Variants in TP63 observed in about 807,000 individuals in gnomAD.
TP63 encodes tumor protein 63.
A neutral mutation model predicts 82.8 loss-of-function variants in TP63; 17 were observed. That is an observed-to-expected ratio of 0.21 (90% CI 0.14 to 0.31). The LOEUF is 0.31. TP63 is among the 10% of genes least tolerant of loss of function. TP63 has a pLI of 1.00. For missense variants in TP63, 648 were observed against 895.3 expected, an observed-to-expected ratio of 0.72 and a Z score of 3.52; for synonymous variants, 330 against 321.7, an observed-to-expected ratio of 1.03 and a Z score of -0.28.
At chr3:189,682,545 AAAAAAAAAATATATATATATATATAT>A (rs1383016826) in intron 1 of TP63, among the ~76,000 whole-genome samples, 1,501 of 71,240 alleles carry the variant, frequency 0.021, 54 homozygotes, top group African/African-American at 0.087. Context: ...GGAAAAAAAA[AAAAAAAAAATATATATATATATATAT>A]ATATATATAT....
chr3:189,708,322 A>G (rs1718349466), intron 1 of TP63, among the ~76,000 whole-genome samples: 1 of 152,210 alleles, frequency 6.6e-6, no homozygotes, highest in Non-Finnish European at 1.5e-5. Context: ...TGTTTCGTGA[A>G]CAACAGTTTC....
chr3:189,864,171 T>A, intron 4 of TP63, 61 bp from the exon 5 acceptor site: 1 of 1,602,648 alleles, frequency 6.2e-7, no homozygotes, highest in East Asian at 2.2e-5. Flanking sequence ...TGATTTGGAA[T>A]GTAACAATAT....
intron 4 of TP63, among the ~76,000 whole-genome samples, chr3:189,832,867 T>C (rs1258235988): frequency 6.6e-6 from 1 of 152,202 alleles, no homozygotes; most frequent in Non-Finnish European, 1.5e-5. Flanking sequence ...ATGCTATAAG[T>C]CTAGGGATGA....
intron 1 of TP63, among the ~76,000 whole-genome samples, chr3:189,724,202 T>C (rs908746504): frequency 6.6e-6 from 1 of 152,148 alleles, no homozygotes; most frequent in African/African-American, 2.4e-5. Context: ...GTTGTTATAT[T>C]AGGAATTCTG....
intron 1 of TP63, among the ~76,000 whole-genome samples, chr3:189,690,424 C>T (rs1385273207): frequency 2.0e-5 from 3 of 152,202 alleles, no homozygotes; most frequent in Non-Finnish European, 2.9e-5. Flanking sequence ...TTATCTGAAA[C>T]TTGAGCTGGT....
chr3:189,893,375 C>A (rs1232268923), intron 13 of TP63, among the ~76,000 whole-genome samples: 1 of 152,196 alleles, frequency 6.6e-6, no homozygotes, highest in African/African-American at 2.4e-5. Flanking sequence ...TTTCTCACTC[C>A]AAGCACAATG....
Position 189,897,102 on chromosome 3 carries a change from T to A in TP63, c.*2600T>A, listed in dbSNP as rs1200787387. On this transcript the variant is annotated 3_prime_UTR_variant, in exon 14 of 14. Coordinates refer to ENST00000264731, the MANE Select transcript of TP63 (RefSeq NM_003722.5). The stretch of plus-strand genomic sequence containing the variant: ...CAAATGTTAAAAGTTTTATATGCTT[T>A]ATTAATGTTTTCAAAAGGTATTATA... 1 of 224,494 alleles carries A rather than the reference T, an allele frequency of 4.5e-6. No individual in the cohort carries two copies. The highest frequency in any genetic ancestry group is 8.9e-6 in the Non-Finnish European group (1 of 112,348). The allele number at this position is 224,494 out of a possible 1,614,324, so 13.9% of individuals were successfully genotyped here.
At chr3:189,859,294 G>A (rs1242137780) in intron 4 of TP63, among the ~76,000 whole-genome samples, 1 of 152,030 alleles carries the variant, frequency 6.6e-6, no homozygotes, top group Non-Finnish European at 1.5e-5. Context: ...AAATTTCTGT[G>A]TTACAAAGGG....
At chr3:189,724,033 C>CAA (rs1719590270) in intron 1 of TP63, among the ~76,000 whole-genome samples, 1 of 92,088 alleles carries the variant, frequency 1.1e-5, no homozygotes, top group Non-Finnish European at 2.2e-5. Flanking sequence ...TTTTTTGTCT[C>CAA]ATTGTTGCAA....
At chr3:189,644,580 G>A (rs940312445) in intron 1 of TP63, among the ~76,000 whole-genome samples, 1 of 152,054 alleles carries the variant, frequency 6.6e-6, no homozygotes, top group Non-Finnish European at 1.5e-5. Context: ...TGGTTACATG[G>A]ATACGTTTTT....
chr3:189,715,070 G>A (rs932090798), intron 1 of TP63, among the ~76,000 whole-genome samples: 52 of 152,058 alleles, frequency 3.4e-4, no homozygotes, highest in African/African-American at 1.2e-3. Flanking sequence ...TTCCAGATGT[G>A]GCCCTAAAAT....
rs527724361 is a variant in TP63, at chr3:189,707,551, A to G, written c.63-30189A>G. On this transcript the variant is annotated intron_variant, in intron 1 of 13. Coordinates refer to ENST00000264731, the MANE Select transcript of TP63 (RefSeq NM_003722.5). ...AGACATGTTTGCTGTGTCAGAGGAT[A>G]AGGATATATTTATGTCTATAGCATA... Among the ~76,000 whole-genome samples, 8 of 152,294 alleles carry G rather than the reference A, an allele frequency of 5.3e-5. No individual in the cohort carries two copies. In the East Asian group the frequency reaches 1.5e-3, roughly 29 times the overall value.
intron 4 of TP63, among the ~76,000 whole-genome samples, chr3:189,828,852 A>G (rs922254473): frequency 6.6e-6 from 1 of 152,218 alleles, no homozygotes; most frequent in Non-Finnish European, 1.5e-5. Flanking sequence ...AATGAAAATA[A>G]TCTAATAGTA....
At chr3:189,628,446 G>C (rs1729366809), upstream of TP63, among the ~76,000 whole-genome samples, 3 of 152,114 alleles carry the variant, frequency 2.0e-5, no homozygotes, top group South Asian at 6.2e-4. Flanking sequence ...CATGTTCTTG[G>C]CTCCTAGGAG....
intron 3 of TP63, among the ~76,000 whole-genome samples, chr3:189,765,575 G>T (rs1321649145): frequency 1.3e-5 from 2 of 151,336 alleles, no homozygotes; most frequent in Non-Finnish European, 2.9e-5. Flanking sequence ...TGGGACTACA[G>T]GTGCCCACCA....
chr3:189,774,031 T>C (rs980848891), intron 3 of TP63, among the ~76,000 whole-genome samples: 21 of 148,036 alleles, frequency 1.4e-4, no homozygotes, highest in Non-Finnish European at 1.9e-4. Context: ...CATGCCATTC[T>C]CCTGCCTCAG....
At chr3:189,704,665 C>T (rs1010077096) in intron 1 of TP63, among the ~76,000 whole-genome samples, 2 of 152,210 alleles carry the variant, frequency 1.3e-5, no homozygotes, top group African/African-American at 4.8e-5. Context: ...GGGCCTAGCA[C>T]AGTGCTCAGC....
chr3:189,844,832 A>G (rs1714658178), intron 4 of TP63, among the ~76,000 whole-genome samples: 1 of 152,078 alleles, frequency 6.6e-6, no homozygotes, highest in East Asian at 1.9e-4. Flanking sequence ...TCCTTATCAA[A>G]AGTTATTGTT....
At chr3:189,732,719 G>C (rs1720264062) in intron 1 of TP63, among the ~76,000 whole-genome samples, 1 of 152,220 alleles carries the variant, frequency 6.6e-6, no homozygotes, top group South Asian at 2.1e-4. Flanking sequence ...AACTGAGATT[G>C]AACCTAGGTC....
Sources: allele counts gnomAD v4.1 joint callset (sites outside exome capture counted in the v4.1 genomes callset), GRCh38; gene constraint gnomAD v4.1.1; transcripts MANE v1.5; gene names NCBI Gene and HGNC (gene_info 2026-07-23, HGNC 2026-07-21).